Variants in CAMTA1 observed in about 807,000 individuals in gnomAD.
CAMTA1 encodes calmodulin binding transcription activator 1.
Under a neutral mutation model 170.9 loss-of-function variants are expected in CAMTA1, and 27 were observed. That is an observed-to-expected ratio of 0.16 (90% CI 0.12 to 0.22). The LOEUF is 0.22. Ranked by LOEUF, CAMTA1 falls within the 10% of genes least tolerant of loss-of-function variation. The pLI is 1.00. For missense variants in CAMTA1, 1,619 were observed against 2,217.2 expected (o/e 0.73, Z 5.42); for synonymous variants, 833 against 891.5 (o/e 0.93, Z 1.17).
chr1:7,077,043 T>C (rs1240873243), intron 3 of CAMTA1, among the ~76,000 whole-genome samples: 1 of 152,212 alleles, frequency 6.6e-6, no homozygotes, highest in Admixed American at 6.5e-5. Context: ...ACACCTTTCA[T>C]CTATTAATGG....
At position 7,598,156 on chromosome 1, in the gene CAMTA1, A is replaced by G. The variant is rs1174589525; in HGVS notation, c.511-42244A>G. Among the ~76,000 whole-genome samples the G allele has an allele frequency of 3.4e-5, 5 of 148,658 alleles. No individual in the cohort carries two copies. In the East Asian group the frequency reaches 8.0e-4, roughly 24 times the overall value. On this transcript the variant is annotated intron_variant, in intron 6 of 22. Transcript: ENST00000303635. The stretch of plus-strand genomic sequence containing the variant: ...TGTGTCCATGTGTTCTCATTGTTCA[A>G]TTCCCACCTATGAGTGAGAACATGT...
intron 6 of CAMTA1, among the ~76,000 whole-genome samples, chr1:7,569,492 CA>C (rs1275579270): frequency 6.6e-6 from 1 of 151,796 alleles, no homozygotes; most frequent in Non-Finnish European, 1.5e-5. Flanking sequence ...TGATCACTAT[CA>C]CCATCATCAT....
chr1:6,933,839 A>AAGCC (rs1684848713), intron 3 of CAMTA1, among the ~76,000 whole-genome samples: 1 of 152,064 alleles, frequency 6.6e-6, no homozygotes, highest in Non-Finnish European at 1.5e-5. Context: ...GTCTGTCTTT[A>AAGCC]AGCCAATACC....
intron 4 of CAMTA1, among the ~76,000 whole-genome samples, chr1:7,226,187 A>G (rs1193856412): frequency 6.6e-6 from 1 of 152,180 alleles, no homozygotes; most frequent in African/African-American, 2.4e-5. Context: ...CATGCAGGCC[A>G]AGGTTTATTG....
In CAMTA1 at chr1:6,887,977, C is replaced by G. The variant is rs2149116157; in HGVS notation, c.234+62767C>G. 3 of 1,208,694 alleles carry G rather than the reference C, an allele frequency of 2.5e-6. No homozygotes were observed. Among genetic ancestry groups the G allele is most frequent in the East Asian group, 4.2e-5 (1 of 23,532 alleles). The allele number at this position is 1,208,694 out of a possible 1,614,324, so 74.9% of individuals were successfully genotyped here. ...GGCTCTGTGCACACGCCTCCTGGTC[C>G]AGAGGCCTCCGTGACCATCCATGAT... is the stretch of plus-strand genomic sequence containing the variant. On this transcript the variant is annotated intron_variant, in intron 3 of 22. Coordinates refer to ENST00000303635, the MANE Select transcript of CAMTA1 (RefSeq NM_015215.4). The surrounding 1 kb of genome is among the most constrained non-coding windows in gnomAD (Gnocchi z 4.1).
intron 3 of CAMTA1, among the ~76,000 whole-genome samples, chr1:7,042,133 CCCT>C (rs1273102976): frequency 6.6e-6 from 1 of 152,140 alleles, no homozygotes; most frequent in African/African-American, 2.4e-5. Context: ...AGGAGAATTC[CCCT>C]CCTCCAGCCT....
chr1:7,005,725 G>A (rs1009251221), intron 3 of CAMTA1, among the ~76,000 whole-genome samples: 3 of 152,236 alleles, frequency 2.0e-5, no homozygotes, highest in Admixed American at 1.3e-4. Flanking sequence ...GATGGCTTGG[G>A]AAGGCTTCCT....
chr1:7,096,693 T>C (rs1292761982), intron 4 of CAMTA1, among the ~76,000 whole-genome samples: 5 of 152,204 alleles, frequency 3.3e-5, no homozygotes, highest in African/African-American at 9.6e-5. Flanking sequence ...CATTTTCGTA[T>C]GTTTTCCCCC....
chr1:7,464,484 A>G (rs2093165224), intron 5 of CAMTA1, among the ~76,000 whole-genome samples: 1 of 152,226 alleles, frequency 6.6e-6, no homozygotes, highest in Non-Finnish European at 1.5e-5. Flanking sequence ...TGGCTTGGTA[A>G]TGACCTTGTC....
At chr1:7,447,048 G>A (rs989042858) in intron 5 of CAMTA1, among the ~76,000 whole-genome samples, 6 of 152,116 alleles carry the variant, frequency 3.9e-5, no homozygotes, top group Non-Finnish European at 8.8e-5. Context: ...GGTGGAGACC[G>A]TCCCGTGCAC....
intron 4 of CAMTA1, among the ~76,000 whole-genome samples, chr1:7,168,139 G>C (rs1292094288): frequency 6.6e-6 from 1 of 152,092 alleles, no homozygotes; most frequent in Non-Finnish European, 1.5e-5. Flanking sequence ...ATTTTAAAAA[G>C]TATATTTTCT....
At chr1:7,747,675 T>C in intron 18 of CAMTA1, 35 bp from the exon 19 acceptor site, 1 of 1,456,934 alleles carries the variant, frequency 6.9e-7, no homozygotes, top group Middle Eastern at 1.7e-4. Context: ...TAGTTAATCA[T>C]TACTGATTTT....
intron 5 of CAMTA1, among the ~76,000 whole-genome samples, chr1:7,321,566 T>C (rs924352848): frequency 8.5e-5 from 13 of 152,328 alleles, no homozygotes; most frequent in African/African-American, 2.9e-4. Context: ...GGTAGATCCA[T>C]TGTAGCATGC....
chr1:7,640,856 G>C (rs772155367), intron 7 of CAMTA1, among the ~76,000 whole-genome samples: 3 of 152,160 alleles, frequency 2.0e-5, no homozygotes, highest in South Asian at 2.1e-4. Context: ...CCGGGTCTCC[G>C]GGGCCACAGA....
chr1:7,479,049 C>T (rs542419254), intron 6 of CAMTA1, among the ~76,000 whole-genome samples: 10 of 152,286 alleles, frequency 6.6e-5, no homozygotes, highest in Non-Finnish European at 1.3e-4. Flanking sequence ...ACCCACTCTG[C>T]GTGTGGACGT....
At chr1:6,865,631 A>G (rs572072688) in intron 3 of CAMTA1, among the ~76,000 whole-genome samples, 7 of 152,342 alleles carry the variant, frequency 4.6e-5, no homozygotes, top group Admixed American at 1.3e-4. Flanking sequence ...TAATCATAGT[A>G]ATCACAGAAC....
At position 7,708,117 on chromosome 1, in the gene CAMTA1, G is replaced by T. The variant is rs2096540911; in HGVS notation, c.2915-24331G>T. Among the ~76,000 whole-genome samples the T allele has an allele frequency of 2.6e-5, 4 of 152,234 alleles. No homozygotes were observed. In the South Asian group the frequency reaches 8.3e-4, roughly 32 times the overall value. On this transcript the variant is annotated intron_variant, in intron 11 of 22. Transcript: ENST00000303635. Reference sequence around the variant, plus strand: ...AGGCTGAGGCAGGTGGATTGCTTGAGCCTAGGAGTTCAAGACCAGCCTGGG... The same window carrying T: ...AGGCTGAGGCAGGTGGATTGCTTGATCCTAGGAGTTCAAGACCAGCCTGGG...
intron 4 of CAMTA1, among the ~76,000 whole-genome samples, chr1:7,197,307 A>G (rs1347256615): frequency 6.6e-6 from 1 of 152,182 alleles, no homozygotes; most frequent in African/African-American, 2.4e-5. Context: ...GGGGCTCTGA[A>G]GCACTGGCTA....
chr1:6,892,154 G>T (rs1674640597), intron 3 of CAMTA1, among the ~76,000 whole-genome samples: 1 of 152,218 alleles, frequency 6.6e-6, no homozygotes, highest in Non-Finnish European at 1.5e-5. Context: ...AAGTCTAGTA[G>T]ACAATTTTCA....
Sources: allele counts gnomAD v4.1 joint callset (sites outside exome capture counted in the v4.1 genomes callset), GRCh38; gene constraint gnomAD v4.1.1; non-coding constraint Gnocchi (gnomAD v3.1); transcripts MANE v1.5; gene names NCBI Gene and HGNC (gene_info 2026-07-23, HGNC 2026-07-21).